Variants in SLC7A14 observed in about 807,000 individuals in gnomAD.
SLC7A14 encodes the protein gamma-aminobutyric acid transporter SLC7A14.
Under a neutral mutation model 60.2 loss-of-function variants are expected in SLC7A14, and 37 were observed. The ratio of observed to expected loss-of-function variants is 0.61; its 90% CI spans 0.47 to 0.81. The LOEUF (loss-of-function observed/expected upper bound fraction) is 0.81, where lower values mean the gene tolerates loss of function less well. SLC7A14 is among the 30% of genes least tolerant of loss of function. SLC7A14 has a pLI of 0.00. For missense variants in SLC7A14, 886 were observed against 982.7 expected (o/e 0.90, Z 1.32); for synonymous variants, 399 against 395.8 (o/e 1.01, Z -0.10).
intron 1 of SLC7A14, among the ~76,000 whole-genome samples, chr3:170,553,839 G>A (rs923554001): frequency 2.0e-5 from 3 of 149,900 alleles, no homozygotes; most frequent in Non-Finnish European, 3.0e-5. Context: ...CCCAGCCACC[G>A]TTAAAAAAAC....
In SLC7A14 at chr3:170,568,487, A is replaced by T. The variant is rs974390219; in HGVS notation, c.-153+17424T>A. ...CTTTTGGCTTAGGATTGACTTGGCG[A>T]TGTGGGCTCTTTTTTGGTTCCATAT... On this transcript the variant is annotated intron_variant, in intron 1 of 7. Transcript: ENST00000231706. Among the ~76,000 whole-genome samples, 459 of 152,288 alleles carry T rather than the reference A, an allele frequency of 3.0e-3. 3 individuals are homozygous for T. Among genetic ancestry groups the T allele is most frequent in the African/African-American group, 0.011 (441 of 41,550 alleles).
intron 2 of SLC7A14, among the ~76,000 whole-genome samples, chr3:170,508,267 AAGAATTATG>A (rs1712848148): frequency 6.6e-6 from 1 of 152,210 alleles, no homozygotes; most frequent in Non-Finnish European, 1.5e-5. Context: ...AGAGGCTATC[AAGAATTATG>A]AGAGGGAGTG....
intron 1 of SLC7A14, among the ~76,000 whole-genome samples, chr3:170,531,286 C>A (rs1713672096): frequency 6.6e-6 from 1 of 152,066 alleles, no homozygotes; most frequent in South Asian, 2.1e-4. Flanking sequence ...TAACAGCTCT[C>A]CTCGGCAGGC....
At chr3:170,580,446 G>A (rs771414063) in intron 1 of SLC7A14, among the ~76,000 whole-genome samples, 1 of 152,082 alleles carries the variant, frequency 6.6e-6, no homozygotes, top group Non-Finnish European at 1.5e-5. Flanking sequence ...AAATCATGAC[G>A]CCCAACAACA....
chr3:170,573,915 G>C (rs1015725735), intron 1 of SLC7A14, among the ~76,000 whole-genome samples: 2 of 152,156 alleles, frequency 1.3e-5, no homozygotes, highest in Admixed American at 6.5e-5. Context: ...GAAATAGCCT[G>C]GGCCACACTT....
Position 170,535,783 on chromosome 3 carries a change from C to G in SLC7A14, c.-152-8695G>C, listed in dbSNP as rs1713818422. On this transcript the variant is annotated intron_variant, in intron 1 of 7. Coordinates refer to ENST00000231706, the MANE Select transcript of SLC7A14 (RefSeq NM_020949.3). This position sits in a 1 kb window ranked among gnomAD's most constrained non-coding sequence, Gnocchi z 4.3. ...TGGTTCTGATAATTCTTTCTTTATCCCCCCTGTCATTTCAGGCAGTGGGTA... is the reference window on the plus strand; with the variant it reads ...TGGTTCTGATAATTCTTTCTTTATCGCCCCTGTCATTTCAGGCAGTGGGTA... Among the ~76,000 whole-genome samples the G allele has an allele frequency of 6.6e-6, 1 of 152,128 alleles. No individual in the cohort carries two copies. Among genetic ancestry groups the G allele is most frequent in the Admixed American group, 6.5e-5 (1 of 15,274 alleles).
chr3:170,481,105 A>C lies in SLC7A14; in HGVS notation c.1177T>G (p.Phe393Val), dbSNP rs765370398. 6.2e-7 allele frequency: 1 copy of C among 1,613,854 alleles called. No individual in the cohort carries two copies. The highest frequency in any genetic ancestry group is 8.5e-7 in the Non-Finnish European group (1 of 1,179,954). Residue 393 changes from phenylalanine to valine, a missense_variant, in exon 7 of 8, where the codon TTC becomes GTC. By Grantham distance (50) the Phe-to-Val change is conservative. Coordinates refer to ENST00000231706, the MANE Select transcript of SLC7A14 (RefSeq NM_020949.3). Reference protein sequence around the residue: ...TPVVACIVSGFLAALLALLVS... With the variant: ...TPVVACIVSGVLAALLALLVS... ...AACAGTGCGAGGAGCGCTGCCAGGA[A>C]CCCCGACACGATGCAGGCCACCACT...
intron 2 of SLC7A14, among the ~76,000 whole-genome samples, chr3:170,516,458 C>T (rs935638794): frequency 3.3e-5 from 5 of 151,638 alleles, no homozygotes; most frequent in African/African-American, 9.7e-5. Flanking sequence ...CACAGTGGCT[C>T]ACAGCTGTAA....
chr3:170,572,060 C>CAAAAAAAAAAAAAAA (rs765897392), intron 1 of SLC7A14, among the ~76,000 whole-genome samples: 1 of 80,708 alleles, frequency 1.2e-5, no homozygotes, highest in Non-Finnish European at 2.5e-5. Context: ...GACTCTGTCT[C>CAAAAAAAAAAAAAAA]AAAAAAAAAA....
chr3:170,475,517 G>A (rs1184749072), intron 7 of SLC7A14, among the ~76,000 whole-genome samples: 1 of 152,098 alleles, frequency 6.6e-6, no homozygotes, highest in Non-Finnish European at 1.5e-5. Flanking sequence ...TTGGGATTGT[G>A]GGTTGGATAT....
rs530466107 is a variant in SLC7A14, at chr3:170,509,134, C to T, written c.305-7789G>A. ...ACTGTCTCTTCTACTTGAGCAACCT[C>T]GGTCACTCCATCACCTGTCAGGGAA... is the stretch of plus-strand genomic sequence containing the variant. On this transcript the variant is annotated intron_variant, in intron 2 of 7. Transcript: ENST00000231706. 2.0e-4 allele frequency among the ~76,000 whole-genome samples: 30 copies of T among 152,300 alleles called. 1 individual carries two copies. The highest frequency in any genetic ancestry group is 6.7e-4 in the African/African-American group (28 of 41,566).
Position 170,585,597 on chromosome 3 carries a change from C to G in SLC7A14, c.-153+314G>C, listed in dbSNP as rs1047008631. Among the ~76,000 whole-genome samples the G allele has an allele frequency of 5.9e-5, 9 of 152,158 alleles. No homozygotes were observed. Among genetic ancestry groups the G allele is most frequent in the African/African-American group, 2.2e-4 (9 of 41,440 alleles). On this transcript the variant is annotated intron_variant, in intron 1 of 7. Coordinates refer to ENST00000231706, the MANE Select transcript of SLC7A14 (RefSeq NM_020949.3). This position sits in a 1 kb window ranked among gnomAD's most constrained non-coding sequence, Gnocchi z 5.1. ...CTTCTGCCTCCCGCTCTAGCGGCGC[C>G]GGAGCCGCGCTGGCCCCCGCCCCGC...
chr3:170,499,054 G>C (rs1712513448), intron 3 of SLC7A14, among the ~76,000 whole-genome samples, 170 bp from the exon 4 acceptor site: 1 of 151,612 alleles, frequency 6.6e-6, no homozygotes, highest in African/African-American at 2.4e-5. Flanking sequence ...GGCTAATACG[G>C]TGAAACCCTG....
At chr3:170,572,210 A>G (rs1351997240) in intron 1 of SLC7A14, among the ~76,000 whole-genome samples, 1 of 152,214 alleles carries the variant, frequency 6.6e-6, no homozygotes, top group East Asian at 1.9e-4. Context: ...ATGCACTTGT[A>G]TAAGATCCAT....
intron 1 of SLC7A14, among the ~76,000 whole-genome samples, chr3:170,546,530 G>A (rs748029774): frequency 2.0e-5 from 3 of 152,174 alleles, no homozygotes; most frequent in Non-Finnish European, 4.4e-5. Flanking sequence ...ATGGTGGTAT[G>A]AACAGAGAAG....
chr3:170,500,447 A>G (rs1263415617), intron 3 of SLC7A14, among the ~76,000 whole-genome samples: 1 of 150,716 alleles, frequency 6.6e-6, no homozygotes, highest in Non-Finnish European at 1.5e-5. Context: ...TCAAAAAAAA[A>G]AAAAAAAAAA....
chr3:170,490,954 G>C (rs962681406), intron 4 of SLC7A14, among the ~76,000 whole-genome samples: 2 of 152,084 alleles, frequency 1.3e-5, no homozygotes, highest in Admixed American at 1.3e-4. Context: ...AGTTTTTCTA[G>C]AGCAGTTGAC....
rs559867579 is a variant in SLC7A14, at chr3:170,467,184, G to C, written c.2187C>G (p.Phe729Leu). The C allele has an allele frequency of 4.3e-6, 7 of 1,612,920 alleles. No homozygotes were observed. The South Asian group carries it at 7.7e-5, about 18-fold the overall frequency. The change falls in exon 8 of 8, where the codon TTC (phenylalanine) becomes TTG (leucine). Residue 729 changes from phenylalanine to leucine, a missense_variant. Coordinates refer to ENST00000231706, the MANE Select transcript of SLC7A14 (RefSeq NM_020949.3). ...DWGGPTEDKGFYYQQMSDAKA... is the reference protein window; with the variant it reads ...DWGGPTEDKGLYYQQMSDAKA... ...TCGCATCTGACATCTGTTGGTAATAGAAGCCTTTGTCTTCAGTGGGCCCGC... is the reference window on the plus strand; with the variant it reads ...TCGCATCTGACATCTGTTGGTAATACAAGCCTTTGTCTTCAGTGGGCCCGC...
chr3:170,536,819 T>C (rs1283907453), intron 1 of SLC7A14, among the ~76,000 whole-genome samples: 1 of 152,236 alleles, frequency 6.6e-6, no homozygotes, highest in Non-Finnish European at 1.5e-5. Context: ...TCTGGTCTCC[T>C]CATCCCAAAT....
Sources: allele counts gnomAD v4.1 joint callset (sites outside exome capture counted in the v4.1 genomes callset), GRCh38; gene constraint gnomAD v4.1.1; non-coding constraint Gnocchi (gnomAD v3.1); transcripts MANE v1.5; gene names NCBI Gene and HGNC (gene_info 2026-07-23, HGNC 2026-07-21).